Variants in TAFA2 observed in about 807,000 individuals in gnomAD.
The protein encoded by TAFA2 is TAFA chemokine like family member 2, also known as chemokine-like protein TAFA-2.
A neutral mutation model predicts 18.8 loss-of-function variants in TAFA2; 7 were observed. The observed-to-expected ratio is 0.37, with a 90% CI of 0.21 to 0.70. TAFA2 has a LOEUF of 0.70. Ranked by LOEUF, TAFA2 falls within the 30% of genes least tolerant of loss-of-function variation. The pLI is 0.53. For missense variants in TAFA2, 122 were observed against 158.1 expected (o/e 0.77, Z 1.23); for synonymous variants, 60 against 54.2 (o/e 1.11, Z -0.47).
intron 1 of TAFA2, among the ~76,000 whole-genome samples, chr12:61,935,026 G>A (rs549355201): frequency 4.1e-4 from 63 of 152,224 alleles, no homozygotes; most frequent in African/African-American, 1.1e-3. Flanking sequence ...AGCCTGGCAC[G>A]AGTACATGAA....
intron 1 of TAFA2, among the ~76,000 whole-genome samples, chr12:61,914,107 A>G (rs1876721902): frequency 1.3e-5 from 2 of 152,140 alleles, no homozygotes; most frequent in Admixed American, 1.3e-4. Flanking sequence ...ACACCAGGAA[A>G]TCCACCCTAA....
rs187964561 is a variant in TAFA2, at chr12:61,927,528, G to A, written c.-1-60102C>T. Among the ~76,000 whole-genome samples, 5 of 152,080 alleles carry A rather than the reference G, an allele frequency of 3.3e-5. No individual in the cohort carries two copies. The East Asian group carries it at 9.7e-4, about 29-fold the overall frequency. On this transcript the variant is annotated intron_variant, in intron 1 of 4. Transcript: ENST00000416284. ...AATAAGAGAAGACACAAACAAATGG[G>A]AAAACATTCCATGCTCATGGATAGG... is the stretch of plus-strand genomic sequence containing the variant.
chr12:62,256,025 T>C (rs1241558855), intron 1 of TAFA2, among the ~76,000 whole-genome samples: 4 of 151,936 alleles, frequency 2.6e-5, no homozygotes, highest in South Asian at 2.1e-4. Flanking sequence ...TCCCAGCACT[T>C]TGGGAGGCTG....
intron 1 of TAFA2, among the ~76,000 whole-genome samples, chr12:62,133,848 G>A (rs1476283541): frequency 6.6e-6 from 1 of 152,062 alleles, no homozygotes; most frequent in African/African-American, 2.4e-5. Flanking sequence ...GCTTGGGCTA[G>A]CTTCGTGGCT....
intron 1 of TAFA2, among the ~76,000 whole-genome samples, chr12:62,068,184 T>G (rs1882540759): frequency 6.6e-6 from 1 of 152,068 alleles, no homozygotes; most frequent in Non-Finnish European, 1.5e-5. Flanking sequence ...TCAGAACAGA[T>G]CTCTATTTTT....
chr12:61,930,815 T>C (rs1314897280), intron 1 of TAFA2, among the ~76,000 whole-genome samples: 1 of 152,224 alleles, frequency 6.6e-6, no homozygotes, highest in South Asian at 2.1e-4. Context: ...TGAATAGCAA[T>C]GTCTGTAATC....
intron 1 of TAFA2, among the ~76,000 whole-genome samples, chr12:62,028,373 A>G (rs1881364019): frequency 6.6e-6 from 1 of 152,032 alleles, no homozygotes; most frequent in Admixed American, 6.6e-5. Flanking sequence ...TCCTCCTCTC[A>G]TCTTTATCCT....
intron 1 of TAFA2, among the ~76,000 whole-genome samples, chr12:61,997,891 T>C (rs1880252836): frequency 6.6e-6 from 1 of 152,062 alleles, no homozygotes; most frequent in Admixed American, 6.5e-5. Context: ...TAACAAAGTA[T>C]AAAACTGCCC....
intron 1 of TAFA2, among the ~76,000 whole-genome samples, chr12:62,091,429 T>C (rs1173125730): frequency 5.3e-5 from 8 of 151,988 alleles, no homozygotes; most frequent in African/African-American, 1.7e-4. Flanking sequence ...ATAATGTCTA[T>C]ACTTAAATAC....
At chr12:62,230,498 T>A (rs2062807745) in intron 1 of TAFA2, among the ~76,000 whole-genome samples, 1 of 152,218 alleles carries the variant, frequency 6.6e-6, no homozygotes, top group Non-Finnish European at 1.5e-5. Flanking sequence ...GTTGTTTTAT[T>A]TCCATGATTT....
chr12:61,720,929 G>C (rs762397195), intron 4 of TAFA2: 3 of 517,722 alleles, frequency 5.8e-6, no homozygotes, highest in Non-Finnish European at 1.2e-5. Context: ...GTTTGCCTAA[G>C]GAACAAACAC....
intron 1 of TAFA2, among the ~76,000 whole-genome samples, chr12:62,250,587 GA>G (rs1011419385): frequency 3.3e-5 from 5 of 151,210 alleles, no homozygotes; most frequent in African/African-American, 1.2e-4. Flanking sequence ...TTCCATTCTG[GA>G]AAAAAAATAG....
intron 1 of TAFA2, among the ~76,000 whole-genome samples, chr12:62,158,255 A>T (rs1043656961): frequency 3.9e-5 from 6 of 152,220 alleles, no homozygotes; most frequent in Admixed American, 1.3e-4. Context: ...TTTAAATATG[A>T]CAAAGTAAAA....
At chr12:61,936,825 T>C (rs766109095) in intron 1 of TAFA2, among the ~76,000 whole-genome samples, 6 of 151,978 alleles carry the variant, frequency 3.9e-5, no homozygotes, top group Non-Finnish European at 7.4e-5. Flanking sequence ...AGAGCAACCA[T>C]GCAAGAGAAA....
intron 4 of TAFA2, among the ~76,000 whole-genome samples, chr12:61,718,493 A>G (rs1173747539): frequency 6.6e-6 from 1 of 152,192 alleles, no homozygotes; most frequent in Admixed American, 6.5e-5. Flanking sequence ...GTGCAGAATC[A>G]CACACACAAA....
intron 1 of TAFA2, among the ~76,000 whole-genome samples, chr12:62,213,107 C>G (rs1395696813): frequency 6.6e-6 from 1 of 152,154 alleles, no homozygotes; most frequent in East Asian, 1.9e-4. Flanking sequence ...CCTGTCTTTT[C>G]TTTTGGATTT....
intron 1 of TAFA2, among the ~76,000 whole-genome samples, chr12:61,939,326 A>G (rs1877900209): frequency 6.6e-6 from 1 of 152,166 alleles, no homozygotes; most frequent in Admixed American, 6.5e-5. Context: ...ATGACTGGTT[A>G]GATTTCTACT....
intron 1 of TAFA2, among the ~76,000 whole-genome samples, chr12:62,244,056 T>A (rs10437961): frequency 0.013 from 1,915 of 151,836 alleles, 42 homozygotes; most frequent in African/African-American, 0.044. Context: ...TCCCAAAGTG[T>A]TGGGATTACA....
At chr12:62,241,001 A>C (rs1002415246) in intron 1 of TAFA2, among the ~76,000 whole-genome samples, 1 of 152,224 alleles carries the variant, frequency 6.6e-6, no homozygotes, top group Non-Finnish European at 1.5e-5. Context: ...ATTGTCCTCC[A>C]GGAAACCAGT....
Sources: gnomAD v4.1 joint callset for allele counts (sites outside exome capture counted in the v4.1 genomes callset) on GRCh38, gnomAD v4.1.1 for gene constraint, MANE v1.5 for transcripts, NCBI Gene and HGNC (gene_info 2026-07-23, HGNC 2026-07-21) for gene names.